The following ZDHHC11 variants were observed in gnomAD, a reference collection of about 807,000 sequenced individuals.
The protein encoded by ZDHHC11 is palmitoyltransferase ZDHHC11.
ZDHHC11 carries 44 observed loss-of-function variants against 51.3 expected under a neutral mutation model. The observed-to-expected ratio is 0.86, with a 90% CI of 0.67 to 1.10. ZDHHC11 has a LOEUF of 1.10. ZDHHC11 is among the 50% of genes least tolerant of loss of function. ZDHHC11 has a pLI of 0.00. For missense variants in ZDHHC11, 400 were observed against 537.7 expected (o/e 0.74, Z 2.53); for synonymous variants, 163 against 222.0 (o/e 0.73, Z 2.36).
rs796683534 is a variant in ZDHHC11 at position 834,783 on chromosome 5, C to A, written c.901-976G>T. On this transcript the variant is annotated intron_variant, in intron 6 of 12. Coordinates refer to ENST00000283441, the MANE Select transcript of ZDHHC11 (RefSeq NM_024786.3). ...TCACTTCAATTGTCTGTGTAAGCAG[C>A]TTTTAGCAATAAAGCACTTTTAATT... 3.2e-4 allele frequency among the ~76,000 whole-genome samples: 49 copies of A among 152,196 alleles called. 3 individuals carry two copies. Among genetic ancestry groups the A allele is most frequent in the African/African-American group, 1.2e-3 (49 of 41,572 alleles).
chr5:807,730 C>T (rs374296519), intron 11 of ZDHHC11, among the ~76,000 whole-genome samples: 12 of 151,832 alleles, frequency 7.9e-5, no homozygotes, highest in African/African-American at 2.2e-4. Context: ...GGAATAGCGG[C>T]TCAGAGTGGT....
chr5:843,938 G>GC (rs1561293031), intron 3 of ZDHHC11, among the ~76,000 whole-genome samples: 295 of 113,516 alleles, frequency 2.6e-3, no homozygotes, highest in South Asian at 0.013. Flanking sequence ...AGGCAGGGGC[G>GC]GGGGCATGCA....
intron 11 of ZDHHC11, among the ~76,000 whole-genome samples, chr5:809,380 T>G (rs1390158432): frequency 7.1e-6 from 1 of 141,838 alleles, no homozygotes; most frequent in Non-Finnish European, 1.5e-5. Flanking sequence ...CAGCGTTGTG[T>G]GTCATAAAGC....
intron 10 of ZDHHC11, among the ~76,000 whole-genome samples, chr5:819,052 ACAC>A (rs1422172810): frequency 4.0e-5 from 6 of 151,522 alleles, no homozygotes; most frequent in African/African-American, 9.7e-5. Flanking sequence ...ACACAAAACC[ACAC>A]CAACACATAC....
Position 837,559 on chromosome 5 carries a change from G to C in ZDHHC11, c.785-79C>G, listed in dbSNP as rs1579715247. 4.1e-6 allele frequency: 6 copies of C among 1,459,476 alleles called. No homozygotes were observed. The East Asian group carries it at 1.4e-4, about 33-fold the overall frequency. 90.4% of individuals were successfully genotyped at this position (1,459,476 alleles called of 1,614,324 possible). ...GGCGCCCACAGGACAGCTCAGCAGA[G>C]TGGCCAGTGCCACTGATCCGGCCCC... On this transcript the variant is annotated intron_variant, in intron 5 of 12. Coordinates refer to ENST00000283441, the MANE Select transcript of ZDHHC11 (RefSeq NM_024786.3).
In ZDHHC11 at chr5:816,281, A is replaced by G. The variant is rs567819752; in HGVS notation, c.1147-1486T>C. 22 of 271,166 alleles carry G rather than the reference A, an allele frequency of 8.1e-5. 2 individuals are homozygous for G. The highest frequency in any genetic ancestry group is 1.5e-4 in the Non-Finnish European group (21 of 136,986). 16.8% of individuals were successfully genotyped at this position (271,166 alleles called of 1,614,324 possible). On this transcript the variant is annotated intron_variant, in intron 10 of 12. Transcript: ENST00000283441. ...GAAATAATGTTTTTGGGATCTATCA[A>G]AGAAGACATTGCTTAACAGAAGATC...
At chr5:843,307 G>A (rs555469864) in intron 4 of ZDHHC11, 90 of 559,376 alleles carry the variant, frequency 1.6e-4, no homozygotes, top group African/African-American at 1.6e-3. Context: ...AGGGATGACT[G>A]CGGAGGGCAG....
At chr5:854,439 AGCCGG>A (rs1747823997), upstream of ZDHHC11, among the ~76,000 whole-genome samples, 1 of 139,636 alleles carries the variant, frequency 7.2e-6, no homozygotes, top group African/African-American at 2.7e-5. Context: ...GAGGACAGAG[AGCCGG>A]GGAGACAGAC....
In ZDHHC11 at chr5:797,724, A is replaced by G. The variant is rs1737797224; in HGVS notation, c.*8-1144T>C. 3.3e-5 allele frequency among the ~76,000 whole-genome samples: 5 copies of G among 151,740 alleles called. No individual in the cohort carries two copies. The South Asian group carries it at 1.0e-3, about 32-fold the overall frequency. ...CATGTTTTGGTCTGCCAAATTCAACATCTGAAATATTTATGTGTCTGTTTC... is the reference window on the plus strand; with the variant it reads ...CATGTTTTGGTCTGCCAAATTCAACGTCTGAAATATTTATGTGTCTGTTTC... On this transcript the variant is annotated intron_variant, in intron 12 of 12. Transcript: ENST00000283441.
At chr5:844,643 C>T (rs1487231881) in intron 3 of ZDHHC11, among the ~76,000 whole-genome samples, 1 of 152,308 alleles carries the variant, frequency 6.6e-6, no homozygotes, top group East Asian at 1.9e-4. Flanking sequence ...GCCGTGGCAC[C>T]CAGGAGGGCC....
At position 813,773 on chromosome 5, in the gene ZDHHC11, C is replaced by A. The variant is rs1386106303; in HGVS notation, c.1181+988G>T. Among the ~76,000 whole-genome samples the A allele has an allele frequency of 1.4e-5, 2 of 146,404 alleles. 1 individual carries two copies. Among genetic ancestry groups the A allele is most frequent in the Non-Finnish European group, 3.0e-5 (2 of 67,282 alleles). ...TTCCCCTGTGGGGCCGGCTGGGACT[C>A]CCTGCAGTGATGGGAGGAATATGGC... is the stretch of plus-strand genomic sequence containing the variant. On this transcript the variant is annotated intron_variant, in intron 11 of 12. Transcript: ENST00000283441.
chr5:850,392 T>C lies in ZDHHC11; in HGVS notation c.211A>G (p.Ile71Val), dbSNP rs1474243938. The change falls in exon 1 of 13, where the codon ATT becomes GTT. Residue 71 changes from isoleucine (I) to valine (V), a missense_variant. This residue lies in a region of ZDHHC11 where 119 missense variants were observed against 99.6 expected (regional missense o/e 1.20). Transcript: ENST00000283441. ...IPFLPHAWKY[I>V]AYVVTGGIFS... is the part of the protein sequence containing the mutation. Reference sequence around the variant, plus strand: ...GATGAAAAGGATACCACGTAGGCAATGTATTTCCACGCGTGAGGCAGGAAG... The same window carrying C: ...GATGAAAAGGATACCACGTAGGCAACGTATTTCCACGCGTGAGGCAGGAAG... 1.9e-6 allele frequency: 3 copies of C among 1,613,436 alleles called. No individual in the cohort carries two copies. The highest frequency in any genetic ancestry group is 2.7e-5 in the African/African-American group (2 of 74,904).
chr5:824,088 G>A, intron 8 of ZDHHC11: 1 of 454,950 alleles, frequency 2.2e-6, no homozygotes, highest in Non-Finnish European at 4.4e-6. Context: ...GTGTGGTGAG[G>A]TGGCCCTGCC....
At chr5:798,341 T>A (rs1159492078) in intron 12 of ZDHHC11, among the ~76,000 whole-genome samples, 7 of 151,108 alleles carry the variant, frequency 4.6e-5, no homozygotes, top group African/African-American at 1.7e-4. Flanking sequence ...GAGAATTCCT[T>A]ATGTCTCCTC....
intron 11 of ZDHHC11, among the ~76,000 whole-genome samples, chr5:808,202 G>T (rs1481886093): frequency 6.6e-6 from 1 of 151,006 alleles, no homozygotes; most frequent in Non-Finnish European, 1.5e-5. Context: ...GGGTCAAGTT[G>T]CGCAGCCTCC....
At chr5:797,864 C>T (rs565042530) in intron 12 of ZDHHC11, among the ~76,000 whole-genome samples, 2 of 150,532 alleles carry the variant, frequency 1.3e-5, no homozygotes, top group African/African-American at 4.9e-5. Context: ...ATCTTTGAGG[C>T]TTAGGATGAA....
At chr5:797,215 T>A (rs1371365031) in intron 12 of ZDHHC11, among the ~76,000 whole-genome samples, 1 of 98,196 alleles carries the variant, frequency 1.0e-5, no homozygotes, top group Non-Finnish European at 1.8e-5. Context: ...TAAATACATA[T>A]GTGTGTGTGT....
intron 11 of ZDHHC11, among the ~76,000 whole-genome samples, chr5:812,192 C>A (rs1358054037): frequency 2.0e-5 from 3 of 148,882 alleles, no homozygotes; most frequent in African/African-American, 7.6e-5. Flanking sequence ...TTTGGTATAA[C>A]CCTGGAGTAA....
chr5:845,057 C>T (rs1473669254), intron 3 of ZDHHC11, among the ~76,000 whole-genome samples: 1 of 152,294 alleles, frequency 6.6e-6, no homozygotes, highest in African/African-American at 2.4e-5. Flanking sequence ...AGCATGAATG[C>T]CGCAGTCCTC....
Sources: allele counts gnomAD v4.1 joint callset (sites outside exome capture counted in the v4.1 genomes callset), GRCh38; gene constraint gnomAD v4.1.1; regional missense constraint gnomAD v4.1.1; transcripts MANE v1.5; gene names NCBI Gene and HGNC (gene_info 2026-07-23, HGNC 2026-07-21).